The following NAV2 variants were observed in gnomAD, a reference collection of about 807,000 sequenced individuals.
NAV2 encodes helicase, APC down-regulated 1.
A neutral mutation model predicts 223.2 loss-of-function variants in NAV2; 54 were observed. That is an observed-to-expected ratio of 0.24 (90% CI 0.19 to 0.30). NAV2 has a LOEUF of 0.30. NAV2 is among the 10% of genes least tolerant of loss of function. NAV2 has a pLI of 1.00. For missense variants in NAV2, 2,806 were observed against 3,147.5 expected, an observed-to-expected ratio of 0.89 and a Z score of 2.60; for synonymous variants, 1,279 against 1,239.3, an observed-to-expected ratio of 1.03 and a Z score of -0.67.
chr11:19,632,532 T>C (rs2047376030), intron 1 of NAV2, among the ~76,000 whole-genome samples: 2 of 152,222 alleles, frequency 1.3e-5, no homozygotes, highest in Admixed American at 1.3e-4. Context: ...ATTATGAGAT[T>C]ATTAAACTGG....
intron 11 of NAV2, among the ~76,000 whole-genome samples, chr11:20,025,214 A>G (rs1045044900): frequency 3.3e-5 from 5 of 152,206 alleles, no homozygotes; most frequent in Non-Finnish European, 5.9e-5. Context: ...GCCTGATAAG[A>G]AAGTGGAGAG....
chr11:19,787,538 C>G (rs185108905), intron 1 of NAV2, among the ~76,000 whole-genome samples: 10 of 152,204 alleles, frequency 6.6e-5, no homozygotes, highest in Admixed American at 4.6e-4. Context: ...GAACTTGATA[C>G]AAATCATTGT....
intron 1 of NAV2, among the ~76,000 whole-genome samples, chr11:19,451,328 C>T (rs891609751): frequency 2.0e-5 from 3 of 152,132 alleles, no homozygotes; most frequent in South Asian, 2.1e-4. Flanking sequence ...CTTGTATCCC[C>T]CAAGCAGCAC....
chr11:19,592,878 T>A (rs947119348), intron 1 of NAV2, among the ~76,000 whole-genome samples: 7 of 152,190 alleles, frequency 4.6e-5, no homozygotes, highest in Non-Finnish European at 1.5e-5. Context: ...TTGCAGGAAG[T>A]TGCAAAGATG....
At chr11:19,738,473 C>G (rs553344899) in intron 1 of NAV2, among the ~76,000 whole-genome samples, 7 of 152,302 alleles carry the variant, frequency 4.6e-5, no homozygotes, top group African/African-American at 1.7e-4. Flanking sequence ...GGAGAAAATA[C>G]GGAGACCATA....
chr11:19,425,765 A>G (rs1850802902), intron 1 of NAV2, among the ~76,000 whole-genome samples: 1 of 152,212 alleles, frequency 6.6e-6, no homozygotes, highest in South Asian at 2.1e-4. Flanking sequence ...TTCACACGTG[A>G]ATAGGTAGAA....
chr11:19,680,160 G>A, intron 1 of NAV2, among the ~76,000 whole-genome samples: 1 of 152,182 alleles, frequency 6.6e-6, no homozygotes, highest in East Asian at 1.9e-4. Context: ...CCAGCACCCA[G>A]GACAAGCCTG....
intron 1 of NAV2, among the ~76,000 whole-genome samples, chr11:19,703,626 A>C (rs1387293057): frequency 6.6e-6 from 1 of 152,218 alleles, no homozygotes; most frequent in Non-Finnish European, 1.5e-5. Flanking sequence ...TGTTTCTGTC[A>C]AAAAGGAAAT....
chr11:19,589,773 G>C (rs1368200538), intron 1 of NAV2, among the ~76,000 whole-genome samples: 1 of 152,206 alleles, frequency 6.6e-6, no homozygotes, highest in African/African-American at 2.4e-5. Context: ...CCCAGCGTGG[G>C]AGCACAGATG....
At chr11:19,438,989 T>C (rs562121733) in intron 1 of NAV2, among the ~76,000 whole-genome samples, 1 of 152,186 alleles carries the variant, frequency 6.6e-6, no homozygotes, top group South Asian at 2.1e-4. Flanking sequence ...CCCTCCTCCC[T>C]GGAATTGGGG....
chr11:19,538,241 C>G (rs560605470), intron 1 of NAV2, among the ~76,000 whole-genome samples: 1 of 152,322 alleles, frequency 6.6e-6, no homozygotes, highest in South Asian at 2.1e-4. Context: ...TGGCCTGGCC[C>G]AGGTGGCTAT....
rs201360024 is a variant in NAV2, at chr11:19,722,322, T to A, written c.267+8360T>A. On this transcript the variant is annotated intron_variant, in intron 1 of 37. Transcript: ENST00000349880. The stretch of plus-strand genomic sequence containing the variant: ...AAATTTTTTAAATGAAGTAATTTTT[T>A]AAAAAAAATTTAAAACCTCTGACTG... 6.4e-4 allele frequency among the ~76,000 whole-genome samples: 98 copies of A among 152,156 alleles called. 1 individual carries two copies. In the East Asian group the frequency reaches 0.017, roughly 26 times the overall value.
At chr11:19,521,097 G>A (rs754245800) in intron 1 of NAV2, among the ~76,000 whole-genome samples, 20 of 152,348 alleles carry the variant, frequency 1.3e-4, no homozygotes, top group South Asian at 6.2e-4. Context: ...GAGGCGGGGC[G>A]TGGTGATGGG....
chr11:19,765,241 CA>C (rs2055104165), intron 1 of NAV2, among the ~76,000 whole-genome samples: 1 of 152,166 alleles, frequency 6.6e-6, no homozygotes, highest in African/African-American at 2.4e-5. Flanking sequence ...GAGAGATAAG[CA>C]AACTTTTTCT....
At chr11:20,043,888 C>G in intron 12 of NAV2, 93 bp from the exon 13 acceptor site, 1 of 1,122,808 alleles carries the variant, frequency 8.9e-7, no homozygotes. Flanking sequence ...TTTCCCTTAA[C>G]TACTCCAGTG....
At chr11:19,348,056 G>T (rs990974506), upstream of NAV2, among the ~76,000 whole-genome samples, 3 of 152,184 alleles carry the variant, frequency 2.0e-5, no homozygotes, top group African/African-American at 7.2e-5. Context: ...AAAACAAAAG[G>T]CTCACAGGAG....
chr11:19,680,415 A>G (rs2048851018), intron 1 of NAV2, among the ~76,000 whole-genome samples: 2 of 151,716 alleles, frequency 1.3e-5, no homozygotes, highest in Admixed American at 1.3e-4. Context: ...TATTGTTTTT[A>G]AGGGTTTTTT....
intron 1 of NAV2, among the ~76,000 whole-genome samples, chr11:19,616,437 G>T (rs1471905248): frequency 6.6e-6 from 1 of 152,098 alleles, no homozygotes; most frequent in Admixed American, 6.5e-5. Context: ...TCCCAAGGGT[G>T]TCCATAGACA....
intron 11 of NAV2, among the ~76,000 whole-genome samples, chr11:20,028,513 G>A (rs1414602165): frequency 6.6e-6 from 1 of 152,176 alleles, no homozygotes; most frequent in Non-Finnish European, 1.5e-5. Flanking sequence ...GTGACTGCTG[G>A]TAGATGGAGG....
Sources: gnomAD v4.1 joint callset for allele counts (sites outside exome capture counted in the v4.1 genomes callset) on GRCh38, gnomAD v4.1.1 for gene constraint, MANE v1.5 for transcripts, NCBI Gene and HGNC (gene_info 2026-07-23, HGNC 2026-07-21) for gene names.